CARMIL1: variants seen among roughly 807,000 people sequenced by gnomAD.
CARMIL1 encodes the protein capping protein regulator and myosin 1 linker 1.
In CARMIL1, 90 loss-of-function variants were observed where a neutral mutation model predicts 177.1. That is an observed-to-expected ratio of 0.51 (90% CI 0.43 to 0.61). CARMIL1 has a LOEUF of 0.61. Among genes scored for constraint, CARMIL1 ranks in the 20% least tolerant of loss-of-function variants. CARMIL1 has a pLI of 0.00. For synonymous variants in CARMIL1, 577 were observed against 606.2 expected (o/e 0.95, Z 0.71); for missense variants, 1,380 against 1,667.0 (o/e 0.83, Z 3.00).
chr6:25,573,278 C>A (rs557711660), intron 29 of CARMIL1, among the ~76,000 whole-genome samples: 1 of 152,204 alleles, frequency 6.6e-6, no homozygotes, highest in South Asian at 2.1e-4. Flanking sequence ...AAAAAGTGTT[C>A]TGCTGTCTAT....
intron 29 of CARMIL1, among the ~76,000 whole-genome samples, chr6:25,557,805 A>G (rs1385933537): frequency 6.6e-6 from 1 of 152,188 alleles, no homozygotes; most frequent in African/African-American, 2.4e-5. Context: ...TAGTGTGTTA[A>G]GAAGTTTACT....
At chr6:25,304,003 T>C (rs1783070390) in intron 2 of CARMIL1, among the ~76,000 whole-genome samples, 1 of 152,266 alleles carries the variant, frequency 6.6e-6, no homozygotes, top group East Asian at 1.9e-4. Context: ...ATCACTCTGC[T>C]TTAAAAGTCT....
chr6:25,578,679 A>C (rs1224850034), intron 29 of CARMIL1, among the ~76,000 whole-genome samples: 1 of 152,180 alleles, frequency 6.6e-6, no homozygotes, highest in Non-Finnish European at 1.5e-5. Context: ...CTTAATACCA[A>C]TTGTAGAAAC....
At chr6:25,386,392 A>G (rs933443102) in intron 2 of CARMIL1, among the ~76,000 whole-genome samples, 2 of 152,072 alleles carry the variant, frequency 1.3e-5, no homozygotes, top group Non-Finnish European at 2.9e-5. Context: ...AGCTGGGATT[A>G]CAGGTGTCTG....
At chr6:25,405,148 A>G (rs963269123) in intron 2 of CARMIL1, among the ~76,000 whole-genome samples, 1 of 152,192 alleles carries the variant, frequency 6.6e-6, no homozygotes, top group Non-Finnish European at 1.5e-5. Context: ...TATTTTAGTA[A>G]ATCAGTGATG....
chr6:25,473,212 C>A (rs905382386), intron 11 of CARMIL1, among the ~76,000 whole-genome samples: 41 of 152,248 alleles, frequency 2.7e-4, no homozygotes, highest in African/African-American at 9.9e-4. Flanking sequence ...CCACCCGTGA[C>A]AATTTCCCTG....
chr6:25,357,380 G>A (rs908176135), intron 2 of CARMIL1, among the ~76,000 whole-genome samples: 3 of 152,066 alleles, frequency 2.0e-5, no homozygotes, highest in Non-Finnish European at 2.9e-5. Context: ...CCGGGAGTTC[G>A]AGACCACCCT....
At chr6:25,493,665 C>T (rs1026490204) in intron 15 of CARMIL1, among the ~76,000 whole-genome samples, 14 of 152,286 alleles carry the variant, frequency 9.2e-5, no homozygotes, top group African/African-American at 3.4e-4. Context: ...CATTTCTGCT[C>T]ACGTCTCACT....
intron 2 of CARMIL1, among the ~76,000 whole-genome samples, chr6:25,334,294 C>A (rs554842689): frequency 1.3e-5 from 2 of 152,196 alleles, no homozygotes; most frequent in Non-Finnish European, 2.9e-5. Context: ...AAAATATATT[C>A]GGATTCACTT....
At chr6:25,476,894 T>C (rs1344929772) in intron 11 of CARMIL1, among the ~76,000 whole-genome samples, 1 of 151,732 alleles carries the variant, frequency 6.6e-6, no homozygotes, top group East Asian at 1.9e-4. Context: ...ATTGAGACCA[T>C]CCTGGTCAAT....
chr6:25,441,861 A>C (rs1343641194), intron 5 of CARMIL1, among the ~76,000 whole-genome samples: 1 of 151,364 alleles, frequency 6.6e-6, no homozygotes, highest in African/African-American at 2.4e-5. Flanking sequence ...TTCTACTATC[A>C]AGAACCTTGG....
At chr6:25,338,263 A>AT (rs57502245) in intron 2 of CARMIL1, among the ~76,000 whole-genome samples, 64,841 of 151,438 alleles carry the variant, frequency 0.43, 14,121 homozygotes, top group African/African-American at 0.51. Context: ...TCTCAAAAAA[A>AT]AAAAAATAAA....
chr6:25,279,642 C>T lies in CARMIL1; in HGVS notation c.-154C>T. On this transcript the variant is annotated 5_prime_UTR_variant, in exon 1 of 37. Coordinates refer to ENST00000329474, the MANE Select transcript of CARMIL1 (RefSeq NM_017640.6). ...TTTTTTTTTGGTGGGGCGGGGGGCG[C>T]GCGGCAAAATTCTGTCTCCGCCCCC... is the stretch of plus-strand genomic sequence containing the variant. 1 of 649,498 alleles carries T rather than the reference C, an allele frequency of 1.5e-6. No individual in the cohort carries two copies. The highest frequency in any genetic ancestry group is 1.9e-5 in the South Asian group (1 of 53,562). 40.2% of individuals were successfully genotyped at this position (649,498 alleles called of 1,614,324 possible).
At chr6:25,536,529 A>G (rs955827370) in intron 24 of CARMIL1, among the ~76,000 whole-genome samples, 4 of 152,126 alleles carry the variant, frequency 2.6e-5, no homozygotes, top group Non-Finnish European at 4.4e-5. Context: ...TTATACATAA[A>G]CTTTGGCATT....
In CARMIL1 at chr6:25,520,273, C is replaced by A; in HGVS notation, c.1904C>A (p.Pro635His). 1 of 1,558,202 alleles carries A rather than the reference C, an allele frequency of 6.4e-7. No homozygotes were observed. Among genetic ancestry groups the A allele is most frequent in the Non-Finnish European group, 8.7e-7 (1 of 1,148,860 alleles). Residue 635 changes from proline to histidine, a missense_variant, in exon 23 of 37, where the codon CCT (proline) becomes CAT (histidine). Pro to His is a moderately conservative substitution (Grantham distance 77, BLOSUM62 -2). Coordinates refer to ENST00000329474, the MANE Select transcript of CARMIL1 (RefSeq NM_017640.6). The part of the protein sequence containing the change: ...KNYTLRFMPI[P>H]MYDASQALKT... ...TACACATTAAGATTTATGCCAATTC[C>A]TATGTATGATGCTTCTCAAGCCCTA...
intron 36 of CARMIL1, among the ~76,000 whole-genome samples, chr6:25,611,066 A>C (rs762289149): frequency 6.6e-6 from 1 of 151,938 alleles, no homozygotes; most frequent in Non-Finnish European, 1.5e-5. Context: ...CTCTTCCTAC[A>C]TTGGCCTATT....
At chr6:25,608,069 A>G (rs1351097625) in intron 35 of CARMIL1, among the ~76,000 whole-genome samples, 1 of 152,224 alleles carries the variant, frequency 6.6e-6, no homozygotes, top group East Asian at 1.9e-4. Flanking sequence ...TAAGTACTCA[A>G]AAGGAGCCTT....
At chr6:25,599,587 T>G (rs1815190448) in intron 32 of CARMIL1, among the ~76,000 whole-genome samples, 1 of 152,146 alleles carries the variant, frequency 6.6e-6, no homozygotes, top group African/African-American at 2.4e-5. Flanking sequence ...CAGAGCATAC[T>G]CTCTGCCTTT....
intron 11 of CARMIL1, among the ~76,000 whole-genome samples, chr6:25,474,404 C>T (rs957963943): frequency 2.6e-5 from 4 of 152,172 alleles, no homozygotes; most frequent in African/African-American, 4.8e-5. Context: ...CGTGAGCCAC[C>T]GCACCCAGCT....
Sources: allele counts gnomAD v4.1 joint callset (sites outside exome capture counted in the v4.1 genomes callset), GRCh38; gene constraint gnomAD v4.1.1; transcripts MANE v1.5; gene names NCBI Gene and HGNC (gene_info 2026-07-23, HGNC 2026-07-21).